Variants in ZNF343 observed in about 807,000 individuals in gnomAD.
The protein encoded by ZNF343 is zinc finger protein 343.
ZNF343 carries 11 observed loss-of-function variants against 13.8 expected under a neutral mutation model. The observed-to-expected ratio is 0.80, with a 90% confidence interval of 0.50 to 1.32. ZNF343 has a LOEUF of 1.32. Among genes scored for constraint, ZNF343 ranks in the 40% most tolerant of loss-of-function variants. ZNF343 has a pLI of 0.00. For missense variants in ZNF343, 658 were observed against 714.2 expected (o/e 0.92, Z 0.90); for synonymous variants, 248 against 260.0 (o/e 0.95, Z 0.44).
chr20:2,503,902 A>T (rs1229985815), intron 1 of ZNF343, among the ~76,000 whole-genome samples: 2 of 152,174 alleles, frequency 1.3e-5, no homozygotes, highest in African/African-American at 4.8e-5. Flanking sequence ...TAAAAGAACT[A>T]GAGAAGCAAG....
In ZNF343 at chr20:2,518,700, G is replaced by A. The variant is rs2085770334; in HGVS notation, c.-347+5755C>T. Among the ~76,000 whole-genome samples the A allele has an allele frequency of 6.6e-6, 1 of 152,036 alleles. No homozygotes were observed. The highest frequency in any genetic ancestry group is 2.4e-5 in the African/African-American group (1 of 41,372). On this transcript the variant is annotated intron_variant, in intron 1 of 6. Coordinates refer to the ZNF343 transcript ENST00000358413. This position sits in a 1 kb window ranked among gnomAD's most constrained non-coding sequence, Gnocchi z 4.6. The stretch of plus-strand genomic sequence containing the variant: ...TGCTTCACATCCACTCAATACCTAT[G>A]CTCTGACAATCACCCACACACCACC...
At chr20:2,506,179 A>C (rs1468754963) in intron 1 of ZNF343, among the ~76,000 whole-genome samples, 2 of 152,252 alleles carry the variant, frequency 1.3e-5, no homozygotes, top group African/African-American at 4.8e-5. Context: ...ATGCAGCCAA[A>C]AGACACAGGA....
intron 1 of ZNF343, among the ~76,000 whole-genome samples, chr20:2,506,317 A>C (rs1443008966): frequency 6.6e-6 from 1 of 152,172 alleles, no homozygotes; most frequent in East Asian, 1.9e-4. Context: ...GAGGATGTGG[A>C]GAAATAGGAA....
chr20:2,493,325 G>A (rs1019182950), intron 4 of ZNF343, among the ~76,000 whole-genome samples, 194 bp downstream of exon 4: 3 of 152,032 alleles, frequency 2.0e-5, no homozygotes, highest in African/African-American at 7.2e-5. Context: ...TAAAAGCTCA[G>A]GTTACTAAAT....
chr20:2,493,952 G>T lies in ZNF343; in HGVS notation c.-57C>A. On this transcript the variant is annotated 5_prime_UTR_variant, in exon 3 of 6. Transcript: ENST00000278772. ...AATTCTGCCAGAGGTCCAGGTAGAT[G>T]TTATTTCATCTCAAGATGGAGTTCT... The T allele has an allele frequency of 1.7e-6, 2 of 1,167,040 alleles. No individual in the cohort carries two copies. The highest frequency in any genetic ancestry group is 1.2e-5 in the South Asian group (1 of 81,476). 72.3% of individuals were successfully genotyped at this position (1,167,040 alleles called of 1,614,324 possible).
chr20:2,516,412 G>C (rs1026449507), intron 1 of ZNF343, among the ~76,000 whole-genome samples: 1 of 152,104 alleles, frequency 6.6e-6, no homozygotes, highest in African/African-American at 2.4e-5. Context: ...TCAGGCTGAG[G>C]GTGAGGGTTA....
intron 1 of ZNF343, among the ~76,000 whole-genome samples, chr20:2,505,084 T>C (rs1216389356): frequency 6.6e-6 from 1 of 152,202 alleles, no homozygotes. Context: ...CTCCTTAAGC[T>C]GATAGGCAAC....
upstream of ZNF343, among the ~76,000 whole-genome samples, chr20:2,510,536 GGAGATA>G (rs376848724): frequency 6.1e-4 from 93 of 152,324 alleles, no homozygotes; most frequent in African/African-American, 2.0e-3. Context: ...CCAGTACTCA[GGAGATA>G]GAGAACATGG....
intron 5 of ZNF343, among the ~76,000 whole-genome samples, chr20:2,492,438 C>T (rs1199904629): frequency 6.6e-6 from 1 of 152,216 alleles, no homozygotes. Context: ...CCCAATACCC[C>T]TTTATCCTGC....
chr20:2,521,090 A>T (rs1388427014), intron 1 of ZNF343, among the ~76,000 whole-genome samples: 1 of 152,226 alleles, frequency 6.6e-6, no homozygotes, highest in Non-Finnish European at 1.5e-5. Flanking sequence ...AGGACATAGC[A>T]TCTGGAAGGA....
chr20:2,490,297 A>C (rs1568477542), intron 5 of ZNF343, among the ~76,000 whole-genome samples: 1 of 152,144 alleles, frequency 6.6e-6, no homozygotes, highest in Non-Finnish European at 1.5e-5. Flanking sequence ...AGTATGTGAC[A>C]CTGACTCCTA....
At chr20:2,515,992 G>A (rs1055653845) in intron 1 of ZNF343, among the ~76,000 whole-genome samples, 2 of 152,094 alleles carry the variant, frequency 1.3e-5, no homozygotes, top group Admixed American at 6.6e-5. Flanking sequence ...GAGTCAGAAA[G>A]GGGTGAATGT....
chr20:2,490,386 G>A (rs551479149), intron 5 of ZNF343, among the ~76,000 whole-genome samples: 14 of 152,244 alleles, frequency 9.2e-5, no homozygotes, highest in South Asian at 2.1e-4. Context: ...TGGAGACTGC[G>A]GAACATTATG....
In ZNF343 at chr20:2,500,320, C is replaced by A. The variant is rs539467389; in HGVS notation, c.-150+336G>T. ...TTAAAATATTGTGGAGACTATAAAC[C>A]CAGTTGCCTGGCACAGAACAATGGC... On this transcript the variant is annotated intron_variant, in intron 2 of 5. Coordinates refer to ENST00000278772, the MANE Select transcript of ZNF343 (RefSeq NM_024325.6). Among the ~76,000 whole-genome samples the A allele has an allele frequency of 3.3e-5, 5 of 152,260 alleles. No homozygotes were observed. The South Asian group carries it at 1.0e-3, about 32-fold the overall frequency.
intron 2 of ZNF343, among the ~76,000 whole-genome samples, chr20:2,496,857 G>T (rs541770393): frequency 6.6e-6 from 1 of 152,294 alleles, no homozygotes; most frequent in African/African-American, 2.4e-5. Context: ...GAGGTGGGCA[G>T]ATCACCTGAG....
chr20:2,499,078 G>T (rs1776713389), intron 2 of ZNF343, among the ~76,000 whole-genome samples: 1 of 151,970 alleles, frequency 6.6e-6, no homozygotes, highest in Admixed American at 6.6e-5. Flanking sequence ...CATCACTTCA[G>T]CCTCCCAAAG....
chr20:2,513,732 A>G (rs1231504101), upstream of ZNF343, among the ~76,000 whole-genome samples: 1 of 152,266 alleles, frequency 6.6e-6, no homozygotes, highest in Non-Finnish European at 1.5e-5. Context: ...AACAATCCGA[A>G]TGTTCATCAG....
At chr20:2,524,654 G>A (rs571659977), upstream of ZNF343, 1 of 152,422 alleles carries the variant, frequency 6.6e-6, no homozygotes, top group Non-Finnish European at 1.5e-5. Flanking sequence ...GGCCCCGCCG[G>A]GGGAGCCCAG....
At position 2,484,148 on chromosome 20, in the gene ZNF343, G is replaced by A. The variant is rs1483480270; in HGVS notation, c.813C>T (p.Cys271=). ...RTLLGKKPYI[C]SDCGRSFKDR... ...CTTTAAAGCTTCGCCCACAATCACTGCAAATGTAGGGCTTCTTCCCTAAGA... is the reference window on the plus strand; with the variant it reads ...CTTTAAAGCTTCGCCCACAATCACTACAAATGTAGGGCTTCTTCCCTAAGA... The change falls in exon 6 of 6, where the codon TGC becomes TGT. Residue 271 remains cysteine, a synonymous_variant. Coordinates refer to ENST00000278772, the MANE Select transcript of ZNF343 (RefSeq NM_024325.6). The A allele has an allele frequency of 6.2e-7, 1 of 1,614,220 alleles. No individual in the cohort carries two copies. Among genetic ancestry groups the A allele is most frequent in the South Asian group, 1.1e-5 (1 of 91,088 alleles).
Sources: gnomAD v4.1 joint callset for allele counts (sites outside exome capture counted in the v4.1 genomes callset) on GRCh38, gnomAD v4.1.1 for gene constraint, Gnocchi (gnomAD v3.1) non-coding constraint, MANE v1.5 for transcripts, NCBI Gene and HGNC (gene_info 2026-07-23, HGNC 2026-07-21) for gene names.